DOCK2: variants seen among roughly 807,000 people sequenced by gnomAD.
The protein encoded by DOCK2 is dedicator of cytokinesis 2.
Under a neutral mutation model 248.9 loss-of-function variants are expected in DOCK2, and 87 were observed. The observed-to-expected ratio is 0.35, with a 90% confidence interval of 0.29 to 0.42. DOCK2 has a LOEUF of 0.42. DOCK2 is among the 10% of genes least tolerant of loss of function. The pLI, the probability that DOCK2 is intolerant of heterozygous loss-of-function variation, is 1.00. For missense variants in DOCK2, 1,747 were observed against 2,300.2 expected, an observed-to-expected ratio of 0.76 and a Z score of 4.92; for synonymous variants, 805 against 821.6, an observed-to-expected ratio of 0.98 and a Z score of 0.35.
At chr5:169,993,876 GGTGTA>G (rs1778270675) in intron 29 of DOCK2, among the ~76,000 whole-genome samples, 1 of 152,148 alleles carries the variant, frequency 6.6e-6, no homozygotes, top group Admixed American at 6.5e-5. Context: ...CTACAGCTAA[GGTGTA>G]AATAACCCAA....
chr5:170,047,464 T>C, intron 39 of DOCK2, 46 bp from the exon 40 acceptor site: 2 of 1,573,504 alleles, frequency 1.3e-6, no homozygotes, highest in East Asian at 4.5e-5. Flanking sequence ...TGAATGTGCC[T>C]TTGATACACA....
At chr5:169,843,154 A>C (rs1214129965) in intron 27 of DOCK2, among the ~76,000 whole-genome samples, 1 of 152,206 alleles carries the variant, frequency 6.6e-6, no homozygotes, top group Admixed American at 6.5e-5. Context: ...TCTTACATGC[A>C]GGCTTAGCCT....
At chr5:169,748,417 AAT>A (rs1397991615) in intron 23 of DOCK2, among the ~76,000 whole-genome samples, 1 of 152,152 alleles carries the variant, frequency 6.6e-6, no homozygotes, top group Admixed American at 6.5e-5. Flanking sequence ...CCGACTTTCT[AAT>A]TTAATTGGTA....
chr5:169,807,035 CTGAG>C (rs1249847355), intron 26 of DOCK2, among the ~76,000 whole-genome samples: 1 of 152,084 alleles, frequency 6.6e-6, no homozygotes, highest in Non-Finnish European at 1.5e-5. Context: ...GCTGGATGGG[CTGAG>C]TGAGACCTGG....
intron 33 of DOCK2, among the ~76,000 whole-genome samples, chr5:170,025,836 C>T (rs369440823): frequency 0.049 from 6,106 of 125,596 alleles, 154 homozygotes; most frequent in African/African-American, 0.056. Context: ...TCCTTCCTTC[C>T]TTCCTTCCTT....
chr5:169,691,684 T>G (rs889088123), intron 9 of DOCK2, among the ~76,000 whole-genome samples: 69 of 152,232 alleles, frequency 4.5e-4, no homozygotes, highest in Non-Finnish European at 7.8e-4. Flanking sequence ...GCATGTGTCT[T>G]GCTGGCCTTA....
At chr5:169,768,592 C>T (rs1764917030) in intron 25 of DOCK2, among the ~76,000 whole-genome samples, 1 of 152,192 alleles carries the variant, frequency 6.6e-6, no homozygotes, top group South Asian at 2.1e-4. Flanking sequence ...GGATGAGGCT[C>T]TTGCTGCCAG....
chr5:169,997,666 ACT>A (rs1374809202), intron 30 of DOCK2, among the ~76,000 whole-genome samples: 1 of 149,538 alleles, frequency 6.7e-6, no homozygotes, highest in Non-Finnish European at 1.5e-5. Flanking sequence ...AATCCATTCA[ACT>A]CTGAGTTGTC....
chr5:169,718,897 G>C, intron 22 of DOCK2, 106 bp downstream of exon 22: 1 of 1,446,132 alleles, frequency 6.9e-7, no homozygotes, highest in Non-Finnish European at 9.2e-7. Flanking sequence ...ATAACCAGCT[G>C]TCGATCAAAA....
intron 26 of DOCK2, among the ~76,000 whole-genome samples, chr5:169,836,050 C>T (rs1769564933): frequency 6.6e-6 from 1 of 152,166 alleles, no homozygotes; most frequent in African/African-American, 2.4e-5. Flanking sequence ...GCCACTGTGC[C>T]CAGCTTGTTT....
chr5:169,679,587 A>G (rs1759538318), intron 6 of DOCK2, among the ~76,000 whole-genome samples: 1 of 152,212 alleles, frequency 6.6e-6, no homozygotes, highest in South Asian at 2.1e-4. Context: ...AATTTTGAGG[A>G]GAAACAGCCA....
chr5:169,657,423 A>G (rs1758184370), intron 2 of DOCK2, among the ~76,000 whole-genome samples: 1 of 152,260 alleles, frequency 6.6e-6, no homozygotes, highest in Non-Finnish European at 1.5e-5. Flanking sequence ...AACTACTTCA[A>G]AACCAAAATC....
At position 169,796,937 on chromosome 5, in the gene DOCK2, G is replaced by A. The variant is rs950602224; in HGVS notation, c.2555-6121G>A. On this transcript the variant is annotated intron_variant, in intron 25 of 51. Transcript: ENST00000520908. ...TTGCTCACAGATGGCCTCCAGCCAT[G>A]CCAGAGAGTTGAAAAAACTCATTCT... Among the ~76,000 whole-genome samples, 3 of 152,240 alleles carry A rather than the reference G, an allele frequency of 2.0e-5. No individual in the cohort carries two copies. The East Asian group carries it at 5.8e-4, about 29-fold the overall frequency.
At chr5:170,048,364 C>T (rs569120615) in intron 40 of DOCK2, among the ~76,000 whole-genome samples, 19 of 152,200 alleles carry the variant, frequency 1.2e-4, no homozygotes, top group African/African-American at 4.6e-4. Context: ...GCACTCCATC[C>T]AGCCTGGGTA....
At chr5:169,766,846 A>C (rs387715) in intron 25 of DOCK2, among the ~76,000 whole-genome samples, 43,718 of 151,984 alleles carry the variant, frequency 0.29, 8,369 homozygotes, top group African/African-American at 0.52. Context: ...CAGCTCACTG[A>C]AACCCCCACC....
chr5:169,877,467 A>G (rs1411471988), intron 27 of DOCK2, among the ~76,000 whole-genome samples: 2 of 152,234 alleles, frequency 1.3e-5, no homozygotes, highest in Non-Finnish European at 2.9e-5. Context: ...CTTATTTGGC[A>G]TATGAAGAGA....
At chr5:169,935,760 C>T (rs576653936) in intron 27 of DOCK2, among the ~76,000 whole-genome samples, 11 of 152,124 alleles carry the variant, frequency 7.2e-5, no homozygotes, top group Non-Finnish European at 1.2e-4. Context: ...AGTACACTGA[C>T]TTCATAGGAG....
chr5:169,841,450 A>G, intron 27 of DOCK2: 1 of 985,596 alleles, frequency 1.0e-6, no homozygotes, highest in Non-Finnish European at 1.2e-6. Flanking sequence ...TAAACCAAGG[A>G]CCCAAAATTC....
At chr5:169,744,508 C>T (rs532558942) in intron 22 of DOCK2, among the ~76,000 whole-genome samples, 2 of 152,234 alleles carry the variant, frequency 1.3e-5, no homozygotes, top group African/African-American at 4.8e-5. Flanking sequence ...CTCTACTCTG[C>T]CAAGTTCTGA....
Sources: gnomAD v4.1 joint callset for allele counts (sites outside exome capture counted in the v4.1 genomes callset) on GRCh38, gnomAD v4.1.1 for gene constraint, MANE v1.5 for transcripts, NCBI Gene and HGNC (gene_info 2026-07-23, HGNC 2026-07-21) for gene names.